The following EOGT variants were observed in gnomAD, a reference collection of about 807,000 sequenced individuals.
The protein encoded by EOGT is EGF domain specific O-linked N-acetylglucosamine transferase.
EOGT carries 55 observed loss-of-function variants against 70.5 expected under a neutral mutation model. That is an observed-to-expected ratio of 0.78 (90% confidence interval 0.63 to 0.98). The LOEUF (loss-of-function observed/expected upper bound fraction) is 0.98. Ranked by LOEUF, EOGT falls within the 50% of genes least tolerant of loss-of-function variation. EOGT has a pLI of 0.00. For missense variants in EOGT, 703 were observed against 641.9 expected (o/e 1.10, Z -1.03); for synonymous variants, 246 against 217.1 (o/e 1.13, Z -1.17).
intron 15 of EOGT, among the ~76,000 whole-genome samples, chr3:68,982,207 T>C (rs2090665273): frequency 6.6e-6 from 1 of 152,146 alleles, no homozygotes; most frequent in South Asian, 2.1e-4. Flanking sequence ...TCGTGGCCAG[T>C]CTGCCAATTT....
Position 68,979,745 on chromosome 3 carries a change from C to T in EOGT, c.1257G>A (p.Thr419=), listed in dbSNP as rs368164149. The part of the protein sequence containing the change: ...FLDQLRITHN[T]DIFIGMHGAG... Reference sequence around the variant, plus strand: ...CTCCATGCATTCCAATAAATATGTCCGTGTTGTGTGTGATCCTTAGTTGAT... The same window carrying T: ...CTCCATGCATTCCAATAAATATGTCTGTGTTGTGTGTGATCCTTAGTTGAT... Residue 419 remains threonine (T), a synonymous_variant, in exon 16 of 18, where the codon ACG becomes ACA. Transcript: ENST00000383701. The T allele has an allele frequency of 2.9e-5, 46 of 1,613,292 alleles. No homozygotes were observed. The highest frequency in any genetic ancestry group is 3.5e-5 in the Non-Finnish European group (41 of 1,179,516).
In EOGT at chr3:69,009,622, A is replaced by G; in HGVS notation, c.210+15T>C. Reference sequence around the variant, plus strand: ...GCATCCTCATAAAAATAAGGAGAAAAGAAATAATACCTACCTTATATGGAC... The same window carrying G: ...GCATCCTCATAAAAATAAGGAGAAAGGAAATAATACCTACCTTATATGGAC... On this transcript the variant is annotated intron_variant, in intron 4 of 17. Transcript: ENST00000383701. 1 of 1,596,682 alleles carries G rather than the reference A, an allele frequency of 6.3e-7. No homozygotes were observed. The highest frequency in any genetic ancestry group is 8.6e-7 in the Non-Finnish European group (1 of 1,165,312).
chr3:68,998,952 T>A (rs1488755546), intron 9 of EOGT, among the ~76,000 whole-genome samples: 1 of 152,194 alleles, frequency 6.6e-6, no homozygotes, highest in Non-Finnish European at 1.5e-5. Context: ...GTCTCTTTTT[T>A]CCCTATTTAA....
At chr3:68,978,052 T>C (rs2090522218) in intron 17 of EOGT, among the ~76,000 whole-genome samples, 1 of 152,240 alleles carries the variant, frequency 6.6e-6, no homozygotes, top group African/African-American at 2.4e-5. Context: ...ATGGGCTGGA[T>C]TTGCCCACAG....
chr3:69,012,495 C>A lies in EOGT; in HGVS notation c.-71+20G>T. ...CAAGTCCATTGTCCTCCAGTGAGCT[C>A]TGGCCATCACTAAACTCACCGATCA... is the stretch of plus-strand genomic sequence containing the variant. On this transcript the variant is annotated intron_variant, in intron 2 of 17. Transcript: ENST00000383701. The A allele has an allele frequency of 6.6e-6, 1 of 152,482 alleles. No individual in the cohort carries two copies. 9.4% of individuals were successfully genotyped at this position (152,482 alleles called of 1,614,324 possible). A position where few individuals can be genotyped will look rare whatever the true frequency, so the allele number is the denominator to read the frequency against.
chr3:68,995,660 G>C (rs936123647), intron 10 of EOGT, among the ~76,000 whole-genome samples: 1 of 152,172 alleles, frequency 6.6e-6, no homozygotes, highest in Admixed American at 6.5e-5. Flanking sequence ...ATGTAGAAAA[G>C]CATGCAACAG....
intron 14 of EOGT, among the ~76,000 whole-genome samples, chr3:68,984,463 G>A (rs946088710): frequency 1.3e-5 from 2 of 152,198 alleles, no homozygotes; most frequent in South Asian, 4.1e-4. Flanking sequence ...CACGAAAAAG[G>A]TGGCCCTATC....
chr3:68,993,577 T>G (rs1304304203), intron 10 of EOGT, among the ~76,000 whole-genome samples: 1 of 152,160 alleles, frequency 6.6e-6, no homozygotes, highest in African/African-American at 2.4e-5. Context: ...TCTGAGCCCT[T>G]CAAACTGTTC....
At chr3:68,982,068 G>C (rs1457217436) in intron 15 of EOGT, among the ~76,000 whole-genome samples, 26 of 151,810 alleles carry the variant, frequency 1.7e-4, no homozygotes, top group Admixed American at 1.7e-3. Context: ...TGCCACACTC[G>C]GCTAATTTTT....
Position 68,988,367 on chromosome 3 carries a change from T to C in EOGT, c.1011A>G (p.Gln337=). The change falls in exon 13 of 18, where the codon CAA becomes CAG. Residue 337 remains glutamine, a synonymous_variant. Transcript: ENST00000383701. ...FYNTPLISGC[Q]NTGLFRAFAQ... ...CAAATGCCCTGAATAGTCCAGTATT[T>C]TGACAGCCAGATATCTAAAATAAAA... The C allele has an allele frequency of 6.5e-7, 1 of 1,535,846 alleles. No individual in the cohort carries two copies.
intron 6 of EOGT, 33 bp from the exon 7 acceptor site, chr3:69,005,267 G>T (rs1282539100): frequency 2.4e-6 from 3 of 1,259,588 alleles, no homozygotes; most frequent in African/African-American, 1.5e-5. Flanking sequence ...GAATGACTCT[G>T]AGTATTAACA....
intron 16 of EOGT, 129 bp downstream of exon 16, chr3:68,979,539 G>A (rs2090571275): frequency 1.9e-6 from 2 of 1,052,538 alleles, no homozygotes; most frequent in Admixed American, 5.6e-5. Context: ...TTTCCAGATT[G>A]TCTATATGAT....
At chr3:69,010,871 G>A (rs1455498398) in intron 3 of EOGT, among the ~76,000 whole-genome samples, 1 of 152,130 alleles carries the variant, frequency 6.6e-6, no homozygotes, top group Non-Finnish European at 1.5e-5. Context: ...TTCCAGGAGC[G>A]CTTCTGTACT....
intron 10 of EOGT, among the ~76,000 whole-genome samples, chr3:68,993,561 T>C (rs1172728418): frequency 1.3e-5 from 2 of 152,196 alleles, no homozygotes; most frequent in African/African-American, 4.8e-5. Context: ...CATTTTCCTG[T>C]CGTCTTCTGA....
At chr3:69,011,083 C>T (rs1354003730) in intron 3 of EOGT, among the ~76,000 whole-genome samples, 2 of 152,032 alleles carry the variant, frequency 1.3e-5, no homozygotes, top group Non-Finnish European at 2.9e-5. Flanking sequence ...AGAAACCTCA[C>T]TGCATTTCTA....
chr3:68,998,440 C>T (rs907849209), intron 9 of EOGT, among the ~76,000 whole-genome samples: 1 of 152,162 alleles, frequency 6.6e-6, no homozygotes, highest in Admixed American at 6.5e-5. Flanking sequence ...CTGAGTAGAA[C>T]TACAGGGCCA....
chr3:69,001,113 C>G (rs1322396656), intron 9 of EOGT, among the ~76,000 whole-genome samples: 1 of 152,030 alleles, frequency 6.6e-6, no homozygotes, highest in Non-Finnish European at 1.5e-5. Flanking sequence ...CCTGCCACCA[C>G]GCCCAGCTAA....
At chr3:68,995,042 C>G (rs2107283446) in intron 10 of EOGT, among the ~76,000 whole-genome samples, 1 of 151,954 alleles carries the variant, frequency 6.6e-6, no homozygotes, top group East Asian at 1.9e-4. Flanking sequence ...GGGAAAGGCC[C>G]CATAGGCTTC....
chr3:68,982,503 G>C (rs1441171937), intron 15 of EOGT, among the ~76,000 whole-genome samples: 1 of 152,146 alleles, frequency 6.6e-6, no homozygotes. Flanking sequence ...CTGGGTGACA[G>C]AGCAAGATTC....
Sources: gnomAD v4.1 joint callset for allele counts (sites outside exome capture counted in the v4.1 genomes callset) on GRCh38, gnomAD v4.1.1 for gene constraint, MANE v1.5 for transcripts, NCBI Gene and HGNC (gene_info 2026-07-23, HGNC 2026-07-21) for gene names.